The following FLYWCH2 variants were observed in gnomAD, a reference collection of about 807,000 sequenced individuals.
FLYWCH2 encodes the protein FLYWCH family member 2.
In FLYWCH2, 2 loss-of-function variants were observed where a neutral mutation model predicts 6.0. That is an observed-to-expected ratio of 0.33 (90% CI 0.14 to 1.04). The LOEUF (loss-of-function observed/expected upper bound fraction) is 1.04. Ranked by LOEUF, FLYWCH2 falls within the 50% of genes least tolerant of loss-of-function variation. The pLI is 0.45. For missense variants in FLYWCH2, 192 were observed against 183.4 expected (o/e 1.05, Z -0.27); for synonymous variants, 87 against 79.3 (o/e 1.10, Z -0.52).
intron 1 of FLYWCH2, among the ~76,000 whole-genome samples, chr16:2,888,127 G>A (rs2069719112): frequency 6.6e-6 from 1 of 151,994 alleles, no homozygotes; most frequent in Non-Finnish European, 1.5e-5. Flanking sequence ...TCCTGCCTCA[G>A]CCTTCCGAGT....
At chr16:2,891,844 G>A (rs929577575) in intron 1 of FLYWCH2, among the ~76,000 whole-genome samples, 7 of 152,134 alleles carry the variant, frequency 4.6e-5, no homozygotes, top group South Asian at 4.1e-4. Context: ...GCAATCTCAG[G>A]TTGCTATGAC....
chr16:2,886,516 C>CTT (rs34052316), intron 1 of FLYWCH2, among the ~76,000 whole-genome samples: 22 of 66,848 alleles, frequency 3.3e-4, no homozygotes, highest in South Asian at 5.2e-4. Context: ...CCCCTTTGTC[C>CTT]TTTTTTTTTT....
rs539530472 is a variant in FLYWCH2, at chr16:2,883,831, C to T, written c.-200+465C>T. Among the ~76,000 whole-genome samples the T allele has an allele frequency of 2.0e-5, 3 of 152,338 alleles. No individual in the cohort carries two copies. The East Asian group carries it at 5.8e-4, about 29-fold the overall frequency. On this transcript the variant is annotated intron_variant, in intron 1 of 3. Coordinates refer to ENST00000396958, the MANE Select transcript of FLYWCH2 (RefSeq NM_138439.3). ...GGGAGCTGGGACCATTTGGGCGCAG[C>T]CCAGCCCGCGTTTGATGCCAATTGC...
chr16:2,886,556 T>C (rs1351366627), intron 1 of FLYWCH2, among the ~76,000 whole-genome samples: 1 of 136,924 alleles, frequency 7.3e-6, no homozygotes, highest in African/African-American at 3.0e-5. Flanking sequence ...GATTTTGCTC[T>C]TGTTGTCCCG....
At chr16:2,893,634 CTTTTTTTTTTT>C (rs35147234) in intron 1 of FLYWCH2, among the ~76,000 whole-genome samples, 1 of 111,930 alleles carries the variant, frequency 8.9e-6, no homozygotes, top group Non-Finnish European at 1.8e-5. Flanking sequence ...TTCTTTTCTT[CTTTTTTTTTTT>C]TTTTTTTTTT....
Position 2,899,047 on chromosome 16 carries a change from A to G in FLYWCH2, c.323-2A>G. Reference sequence around the variant, plus strand: ...AGCCTGATCCACCCTCTTCTCTCGCAGGCACAGACAGAACAGAAGACAGTG... The same window carrying G: ...AGCCTGATCCACCCTCTTCTCTCGCGGGCACAGACAGAACAGAAGACAGTG... On this transcript the variant is annotated splice_acceptor_variant, in intron 3 of 3. Transcript: ENST00000396958. LOFTEE classifies it high-confidence loss of function. 1.2e-6 allele frequency: 2 copies of G among 1,609,396 alleles called. No individual in the cohort carries two copies. Among genetic ancestry groups the G allele is most frequent in the Non-Finnish European group, 1.7e-6 (2 of 1,177,894 alleles).
chr16:2,883,577 TCAA>T (rs977158262), intron 1 of FLYWCH2, among the ~76,000 whole-genome samples: 6 of 151,436 alleles, frequency 4.0e-5, no homozygotes, highest in African/African-American at 1.5e-4. Context: ...GTCCAAAGCC[TCAA>T]CACCCCCACA....
At chr16:2,888,924 T>C (rs2069726533) in intron 1 of FLYWCH2, among the ~76,000 whole-genome samples, 1 of 152,144 alleles carries the variant, frequency 6.6e-6, no homozygotes, top group Non-Finnish European at 1.5e-5. Flanking sequence ...ATTATTGCAC[T>C]ACTTAGGAGG....
chr16:2,896,796 G>A, intron 3 of FLYWCH2, 25 bp downstream of exon 3: 2 of 1,596,964 alleles, frequency 1.3e-6, no homozygotes, highest in Non-Finnish European at 1.7e-6. Flanking sequence ...CGGCCCCCCA[G>A]GACAGCTCGG....
intron 2 of FLYWCH2, among the ~76,000 whole-genome samples, chr16:2,895,540 G>T (rs988336750): frequency 6.6e-6 from 1 of 152,218 alleles, no homozygotes; most frequent in Non-Finnish European, 1.5e-5. Flanking sequence ...GCATGAACCC[G>T]GGAGGCGGAG....
chr16:2,896,031 C>G (rs925924216), intron 2 of FLYWCH2, among the ~76,000 whole-genome samples: 2 of 152,182 alleles, frequency 1.3e-5, no homozygotes, highest in Non-Finnish European at 2.9e-5. Context: ...GGGTGGAAAC[C>G]CTTCGTCCGT....
At chr16:2,885,647 C>A (rs930961099) in intron 1 of FLYWCH2, among the ~76,000 whole-genome samples, 1 of 152,190 alleles carries the variant, frequency 6.6e-6, no homozygotes, top group Non-Finnish European at 1.5e-5. Flanking sequence ...CATGTTGTAG[C>A]ATAGATTTTT....
intron 1 of FLYWCH2, among the ~76,000 whole-genome samples, chr16:2,886,512 T>C (rs1490124522): frequency 7.9e-6 from 1 of 127,248 alleles, no homozygotes; most frequent in East Asian, 2.3e-4. Context: ...CCTGCCCCTT[T>C]GTCCTTTTTT....
intron 3 of FLYWCH2, among the ~76,000 whole-genome samples, chr16:2,898,340 C>A (rs1281855728): frequency 1.3e-5 from 2 of 152,152 alleles, no homozygotes; most frequent in Non-Finnish European, 2.9e-5. Flanking sequence ...TACTGCGAAG[C>A]CCCCACCATC....
At chr16:2,892,863 A>G (rs1314170709) in intron 1 of FLYWCH2, among the ~76,000 whole-genome samples, 3 of 137,774 alleles carry the variant, frequency 2.2e-5, no homozygotes, top group Non-Finnish European at 4.6e-5. Flanking sequence ...TAAAATTTAT[A>G]TATATTTTAA....
At chr16:2,897,251 C>G (rs1274735125) in intron 3 of FLYWCH2, among the ~76,000 whole-genome samples, 1 of 152,146 alleles carries the variant, frequency 6.6e-6, no homozygotes, top group African/African-American at 2.4e-5. Context: ...TCGAGTCACG[C>G]AGGATGAGAC....
chr16:2,897,303 G>T (rs2069834581), intron 3 of FLYWCH2, among the ~76,000 whole-genome samples: 1 of 152,126 alleles, frequency 6.6e-6, no homozygotes, highest in African/African-American at 2.4e-5. Flanking sequence ...GGCTCTCCGG[G>T]ACTGCCCCTG....
intron 1 of FLYWCH2, among the ~76,000 whole-genome samples, chr16:2,885,503 C>T (rs916289503): frequency 5.9e-5 from 9 of 152,182 alleles, no homozygotes; most frequent in South Asian, 2.1e-4. Context: ...CACAAATCTA[C>T]GTTCTGTCTC....
chr16:2,896,522 G>A lies in FLYWCH2; in HGVS notation c.73G>A (p.Gly25Ser). The change falls in exon 3 of 4, where the codon GGC becomes AGC. Residue 25 changes from glycine to serine, a missense_variant. Gly to Ser is a moderately conservative substitution (Grantham distance 56). Transcript: ENST00000396958. ...CAGCCAGGAGCCATCCCCCAAGCCA[G>A]GCACAGAAGTCATCCCGGCAGCCCC... The part of the protein sequence containing the change: ...KASQEPSPKP[G>S]TEVIPAAPRK... 1.2e-6 allele frequency: 2 copies of A among 1,614,168 alleles called. No homozygotes were observed. Among genetic ancestry groups the A allele is most frequent in the Non-Finnish European group, 1.7e-6 (2 of 1,180,008 alleles).
Sources: allele counts gnomAD v4.1 joint callset (sites outside exome capture counted in the v4.1 genomes callset), GRCh38; gene constraint gnomAD v4.1.1; transcripts MANE v1.5; gene names NCBI Gene and HGNC (gene_info 2026-07-23, HGNC 2026-07-21).